Variants in WDR72 observed in about 807,000 individuals in gnomAD.
WDR72 encodes the protein WD repeat-containing protein 72.
WDR72 carries 120 observed loss-of-function variants against 124.2 expected under a neutral mutation model. The observed-to-expected ratio is 0.97, with a 90% CI of 0.83 to 1.12. WDR72 has a LOEUF of 1.12. WDR72 is among the 50% of genes most tolerant of loss of function. WDR72 has a pLI of 0.00. For missense variants in WDR72, 1,387 were observed against 1,278.8 expected, an observed-to-expected ratio of 1.08 and a Z score of -1.29; for synonymous variants, 452 against 441.7, an observed-to-expected ratio of 1.02 and a Z score of -0.29.
intron 12 of WDR72, among the ~76,000 whole-genome samples, chr15:53,701,423 C>T (rs1209626709): frequency 2.0e-5 from 3 of 151,952 alleles, no homozygotes; most frequent in Non-Finnish European, 4.4e-5. Flanking sequence ...TGCCTGTAGT[C>T]CCAGCTACTT....
chr15:53,714,921 T>C (rs690526), intron 5 of WDR72, among the ~76,000 whole-genome samples: 1 of 151,864 alleles, frequency 6.6e-6, no homozygotes, highest in Non-Finnish European at 1.5e-5. Context: ...CTTGTCACTC[T>C]TAAAATGTAA....
chr15:53,574,805 C>G (rs1894690325), intron 18 of WDR72, among the ~76,000 whole-genome samples: 2 of 151,822 alleles, frequency 1.3e-5, no homozygotes, highest in South Asian at 4.2e-4. Flanking sequence ...ATAGGATAGT[C>G]TATTTATTTT....
intron 14 of WDR72, among the ~76,000 whole-genome samples, chr15:53,621,509 A>G (rs1284147970): frequency 4.7e-5 from 7 of 149,930 alleles, no homozygotes; most frequent in Admixed American, 2.7e-4. Context: ...ATGAGATTGG[A>G]GACTATTATT....
At chr15:53,669,203 CTT>C (rs1259638276) in intron 13 of WDR72, among the ~76,000 whole-genome samples, 1 of 152,128 alleles carries the variant, frequency 6.6e-6, no homozygotes, top group African/African-American at 2.4e-5. Flanking sequence ...TTGGCATACT[CTT>C]TGGGTAGTTT....
At chr15:53,563,196 T>A (rs1363115925) in intron 18 of WDR72, among the ~76,000 whole-genome samples, 1 of 151,766 alleles carries the variant, frequency 6.6e-6, no homozygotes, top group Non-Finnish European at 1.5e-5. Context: ...ATTGAGAGAA[T>A]AGTGTTTACA....
At chr15:53,626,848 C>T (rs907781912) in intron 14 of WDR72, among the ~76,000 whole-genome samples, 1 of 152,188 alleles carries the variant, frequency 6.6e-6, no homozygotes, top group Non-Finnish European at 1.5e-5. Context: ...TCCAGCTAGT[C>T]CCATCTCTCA....
intron 2 of WDR72, among the ~76,000 whole-genome samples, chr15:53,727,734 T>A (rs1406271415): frequency 6.6e-6 from 1 of 152,116 alleles, no homozygotes; most frequent in Non-Finnish European, 1.5e-5. Flanking sequence ...GGACAAAATA[T>A]CAGAACAGAA....
At chr15:53,678,590 A>C (rs2016259583) in intron 13 of WDR72, among the ~76,000 whole-genome samples, 1 of 152,158 alleles carries the variant, frequency 6.6e-6, no homozygotes, top group Non-Finnish European at 1.5e-5. Flanking sequence ...TATCTCTACT[A>C]TAGAGGGAGT....
At chr15:53,526,043 T>G (rs368303033) in intron 18 of WDR72, among the ~76,000 whole-genome samples, 7 of 152,094 alleles carry the variant, frequency 4.6e-5, no homozygotes, top group Admixed American at 2.0e-4. Context: ...TCTGACATGA[T>G]GTGTGACCAA....
chr15:53,604,777 T>A (rs192460202), intron 17 of WDR72, among the ~76,000 whole-genome samples: 2 of 152,272 alleles, frequency 1.3e-5, no homozygotes, highest in East Asian at 3.9e-4. Context: ...CACAACGAGA[T>A]AATACCTCAC....
chr15:53,694,778 T>G (rs552168912), intron 13 of WDR72, among the ~76,000 whole-genome samples: 2 of 152,344 alleles, frequency 1.3e-5, no homozygotes, highest in East Asian at 3.9e-4. Flanking sequence ...ATACCTGTCC[T>G]GCTTAACAGT....
intron 9 of WDR72, among the ~76,000 whole-genome samples, chr15:53,710,616 C>T (rs117850997): frequency 0.039 from 5,865 of 152,112 alleles, 137 homozygotes; most frequent in Non-Finnish European, 0.049. Flanking sequence ...TATAATTTTC[C>T]TATAATAAAT....
chr15:53,628,011 T>C (rs118166930), intron 14 of WDR72, among the ~76,000 whole-genome samples: 3 of 152,326 alleles, frequency 2.0e-5, no homozygotes, highest in Admixed American at 6.5e-5. Flanking sequence ...CTTCTACTCA[T>C]AGCAACTGAG....
chr15:53,667,878 G>A (rs1011896927), intron 13 of WDR72, among the ~76,000 whole-genome samples: 6 of 152,004 alleles, frequency 3.9e-5, no homozygotes, highest in African/African-American at 1.5e-4. Flanking sequence ...AACATTTCTT[G>A]TATTTTTTTA....
At chr15:53,599,627 G>A (rs2012951493) in intron 17 of WDR72, among the ~76,000 whole-genome samples, 1 of 152,008 alleles carries the variant, frequency 6.6e-6, no homozygotes, top group Admixed American at 6.6e-5. Flanking sequence ...ATACCCCTCA[G>A]AATGGGTAGT....
intron 18 of WDR72, among the ~76,000 whole-genome samples, chr15:53,592,539 A>C (rs2012560249): frequency 1.3e-5 from 2 of 152,096 alleles, no homozygotes. Flanking sequence ...TAAACAAAAA[A>C]CACATTTTTA....
At chr15:53,648,909 A>C (rs1906413) in intron 14 of WDR72, among the ~76,000 whole-genome samples, 32,498 of 135,886 alleles carry the variant, frequency 0.24, 4,714 homozygotes, top group East Asian at 0.46. Flanking sequence ...AAACAAGACA[A>C]AAATCTCTGA....
chr15:53,699,117 ACT>A (rs1289101330), intron 13 of WDR72, among the ~76,000 whole-genome samples: 6 of 152,276 alleles, frequency 3.9e-5, no homozygotes, highest in Admixed American at 3.9e-4. Context: ...AGTGAAATGT[ACT>A]CTCAAACGAA....
chr15:53,626,295 A>G (rs1359211220), intron 14 of WDR72, among the ~76,000 whole-genome samples: 1 of 152,236 alleles, frequency 6.6e-6, no homozygotes, highest in Non-Finnish European at 1.5e-5. Flanking sequence ...CGTGGGACCC[A>G]GTGACTAGTG....
Sources: gnomAD v4.1 joint callset for allele counts (sites outside exome capture counted in the v4.1 genomes callset) on GRCh38, gnomAD v4.1.1 for gene constraint, MANE v1.5 for transcripts, NCBI Gene and HGNC (gene_info 2026-07-23, HGNC 2026-07-21) for gene names.